CNTN3: variants seen among roughly 807,000 people sequenced by gnomAD.
CNTN3 encodes contactin-3.
A neutral mutation model predicts 119.1 loss-of-function variants in CNTN3; 60 were observed. That is an observed-to-expected ratio of 0.50 (90% CI 0.41 to 0.62). The LOEUF (loss-of-function observed/expected upper bound fraction) is 0.62. Among genes scored for constraint, CNTN3 ranks in the 20% least tolerant of loss-of-function variants. The probability of loss-of-function intolerance (pLI) is 0.00; values close to 1 mark genes in which losing one functional copy is unlikely to be tolerated. For missense variants in CNTN3, 1,101 were observed against 1,242.4 expected, an observed-to-expected ratio of 0.89 and a Z score of 1.71; for synonymous variants, 450 against 438.7, an observed-to-expected ratio of 1.03 and a Z score of -0.32.
chr3:74,312,999 A>C (rs1366635291), intron 13 of CNTN3, among the ~76,000 whole-genome samples: 2 of 152,008 alleles, frequency 1.3e-5, no homozygotes, highest in East Asian at 3.9e-4. Flanking sequence ...CCAAAAACAA[A>C]AAAAAAAAGG....
At chr3:74,430,893 C>T (rs550429039) in intron 4 of CNTN3, among the ~76,000 whole-genome samples, 130 of 152,174 alleles carry the variant, frequency 8.5e-4, no homozygotes, top group Non-Finnish European at 1.4e-3. Flanking sequence ...CCCACGTTAC[C>T]TACAGGATAG....
intron 1 of CNTN3, among the ~76,000 whole-genome samples, chr3:74,575,492 T>C (rs1406071422): frequency 6.6e-6 from 1 of 151,898 alleles, no homozygotes; most frequent in Non-Finnish European, 1.5e-5. Context: ...TTTCGTGATC[T>C]GCCCACCTCA....
chr3:74,511,349 A>G (rs6787971), intron 2 of CNTN3, among the ~76,000 whole-genome samples: 151,808 of 152,248 alleles, frequency 1, 75,686 homozygotes, highest in Middle Eastern at 1. Flanking sequence ...AAATAAGTTG[A>G]TTTATCAAAT....
At chr3:74,583,944 T>C (rs1704554862) in intron 1 of CNTN3, among the ~76,000 whole-genome samples, 1 of 152,152 alleles carries the variant, frequency 6.6e-6, no homozygotes, top group South Asian at 2.1e-4. Flanking sequence ...GTTCTTATCT[T>C]GAAATCTGCA....
intron 5 of CNTN3, among the ~76,000 whole-genome samples, chr3:74,401,508 G>A (rs546941751): frequency 1.3e-4 from 20 of 150,134 alleles, no homozygotes; most frequent in Non-Finnish European, 1.9e-4. Flanking sequence ...CACCACACAC[G>A]CGCGCACGCA....
intron 2 of CNTN3, among the ~76,000 whole-genome samples, chr3:74,517,603 T>G (rs757409048): frequency 2.0e-5 from 3 of 151,912 alleles, no homozygotes; most frequent in Non-Finnish European, 4.4e-5. Context: ...CAAGGCTTCC[T>G]ACTCACAAGC....
chr3:74,560,607 A>T (rs1322716574), intron 1 of CNTN3, among the ~76,000 whole-genome samples: 1 of 152,178 alleles, frequency 6.6e-6, no homozygotes, highest in Non-Finnish European at 1.5e-5. Context: ...ATTGTGGAAG[A>T]CAGTGTGGTG....
At chr3:74,434,972 T>C (rs1701842117) in intron 4 of CNTN3, among the ~76,000 whole-genome samples, 2 of 152,290 alleles carry the variant, frequency 1.3e-5, no homozygotes, top group South Asian at 2.1e-4. Flanking sequence ...ATGTTCTTGG[T>C]GTTTCCTCTA....
At position 74,334,733 on chromosome 3, in the gene CNTN3, ACC is replaced by A; in HGVS notation, c.1668_1668+1del. 1 of 1,612,516 alleles carries A rather than the reference ACC, an allele frequency of 6.2e-7. No homozygotes were observed. The highest frequency in any genetic ancestry group is 8.5e-7 in the Non-Finnish European group (1 of 1,179,084). On this transcript the variant is annotated splice_donor_variant and coding_sequence_variant, in exon 13 of 23. Coordinates refer to ENST00000263665, the MANE Select transcript of CNTN3 (RefSeq NM_020872.3). LOFTEE classifies it high-confidence loss of function. ...AAGTATGAGGAAAGTGCCACAACTT[ACC>A]CCACCAACTTTCTCAAAGTGAGATC...
chr3:74,413,791 A>T (rs1335311368), intron 5 of CNTN3, among the ~76,000 whole-genome samples: 2 of 152,148 alleles, frequency 1.3e-5, no homozygotes, highest in African/African-American at 4.8e-5. Context: ...TCAAAGTCCA[A>T]CTTGCTCAAT....
chr3:74,358,469 A>G (rs1365272282), intron 11 of CNTN3, among the ~76,000 whole-genome samples: 2 of 151,460 alleles, frequency 1.3e-5, no homozygotes, highest in African/African-American at 4.9e-5. Context: ...TGTATTTCCC[A>G]GTTTCTCTTG....
chr3:74,540,537 C>T (rs1335187176), intron 1 of CNTN3, among the ~76,000 whole-genome samples: 4 of 152,112 alleles, frequency 2.6e-5, no homozygotes, highest in Admixed American at 1.3e-4. Context: ...TCAGCATCTA[C>T]ACAAAGTGCT....
rs781434992 is a variant in CNTN3 at position 74,369,298 on chromosome 3, A to G, written c.837T>C (p.Ser279=). ...FSSKIKLRKF[S]GVLEIPNFQQ... ...GGAAGTTGGGGATTTCAAGCACACC[A>G]CTGAACTTCCTTAATTTAATTTTGC... The change falls in exon 8 of 23, where the codon AGT becomes AGC. Residue 279 remains serine, a synonymous_variant. Coordinates refer to ENST00000263665, the MANE Select transcript of CNTN3 (RefSeq NM_020872.3). 1 of 1,611,106 alleles carries G rather than the reference A, an allele frequency of 6.2e-7. No individual in the cohort carries two copies. The highest frequency in any genetic ancestry group is 1.3e-5 in the African/African-American group (1 of 74,784).
At chr3:74,472,515 G>T (rs1174154146) in intron 4 of CNTN3, among the ~76,000 whole-genome samples, 1 of 152,120 alleles carries the variant, frequency 6.6e-6, no homozygotes, top group Non-Finnish European at 1.5e-5. Context: ...CAAACTAAAA[G>T]ATTTTATGAT....
intron 1 of CNTN3, among the ~76,000 whole-genome samples, chr3:74,599,775 T>A (rs971878906): frequency 4.6e-5 from 7 of 152,084 alleles, no homozygotes; most frequent in African/African-American, 1.7e-4. Context: ...CCTTCCAACA[T>A]CAATGGGGCA....
chr3:74,524,178 T>C (rs1575807434), intron 1 of CNTN3, among the ~76,000 whole-genome samples: 1 of 152,068 alleles, frequency 6.6e-6, no homozygotes, highest in South Asian at 2.1e-4. Context: ...AACATGTACA[T>C]TGGTTACATT....
intron 4 of CNTN3, among the ~76,000 whole-genome samples, chr3:74,442,866 C>A (rs1701990023): frequency 6.6e-6 from 1 of 152,190 alleles, no homozygotes; most frequent in South Asian, 2.1e-4. Context: ...TGCATAATCA[C>A]ATCAGGTGAC....
intron 19 of CNTN3, among the ~76,000 whole-genome samples, chr3:74,290,991 C>T (rs1191786742): frequency 6.6e-6 from 1 of 151,866 alleles, no homozygotes; most frequent in South Asian, 2.1e-4. Context: ...TGTTGGTGTG[C>T]TGCACCCATT....
At chr3:74,381,414 T>C (rs916916828) in intron 5 of CNTN3, among the ~76,000 whole-genome samples, 4 of 152,088 alleles carry the variant, frequency 2.6e-5, no homozygotes, top group Non-Finnish European at 4.4e-5. Context: ...TAGAAATCAA[T>C]AATCAAAAGT....
Sources: gnomAD v4.1 joint callset for allele counts (sites outside exome capture counted in the v4.1 genomes callset) on GRCh38, gnomAD v4.1.1 for gene constraint, MANE v1.5 for transcripts, NCBI Gene and HGNC (gene_info 2026-07-23, HGNC 2026-07-21) for gene names.